Variants in KCNQ5 observed in about 807,000 individuals in gnomAD.
The protein encoded by KCNQ5 is potassium voltage-gated channel subfamily Q member 5.
Under a neutral mutation model 98.2 loss-of-function variants are expected in KCNQ5, and 30 were observed. That is an observed-to-expected ratio of 0.31 (90% CI 0.23 to 0.41). KCNQ5 has a LOEUF of 0.41. KCNQ5 is among the 10% of genes least tolerant of loss of function. The pLI is 1.00. For missense variants in KCNQ5, 835 were observed against 1,182.5 expected (o/e 0.71, Z 4.31); for synonymous variants, 458 against 449.4 (o/e 1.02, Z -0.24).
At chr6:73,178,035 C>T (rs9350490) in intron 11 of KCNQ5, among the ~76,000 whole-genome samples, 21,406 of 151,714 alleles carry the variant, frequency 0.14, 2,036 homozygotes, top group East Asian at 0.35. Flanking sequence ...TCTCCTATTC[C>T]ATGTTAAAAA....
chr6:72,940,619 G>A (rs1045764659), intron 1 of KCNQ5, among the ~76,000 whole-genome samples: 10 of 152,294 alleles, frequency 6.6e-5, no homozygotes, highest in South Asian at 6.2e-4. Flanking sequence ...CTAGTAAACC[G>A]TTTTCGTCAG....
At chr6:72,662,688 T>A (rs546743063) in intron 1 of KCNQ5, among the ~76,000 whole-genome samples, 1 of 152,294 alleles carries the variant, frequency 6.6e-6, no homozygotes, top group East Asian at 1.9e-4. Context: ...TACAATATTG[T>A]GGCCAACTTA....
chr6:72,704,903 C>T (rs1768995163), intron 1 of KCNQ5, among the ~76,000 whole-genome samples: 1 of 151,846 alleles, frequency 6.6e-6, no homozygotes, highest in Non-Finnish European at 1.5e-5. Flanking sequence ...TTTGTTATGC[C>T]CCCCTCAGTT....
chr6:72,789,191 T>C (rs118079676), intron 1 of KCNQ5, among the ~76,000 whole-genome samples: 1,585 of 152,192 alleles, frequency 0.01, 15 homozygotes, highest in Middle Eastern at 0.02. Context: ...ACAGTCTTGC[T>C]CTGTCGCCTA....
intron 1 of KCNQ5, among the ~76,000 whole-genome samples, chr6:72,695,880 G>A (rs1312774028): frequency 1.3e-5 from 2 of 152,138 alleles, no homozygotes; most frequent in Non-Finnish European, 2.9e-5. Flanking sequence ...GGGCAACATA[G>A]CAAGTCTCTG....
At chr6:73,110,418 G>C (rs573619014) in intron 6 of KCNQ5, among the ~76,000 whole-genome samples, 1 of 152,148 alleles carries the variant, frequency 6.6e-6, no homozygotes, top group Non-Finnish European at 1.5e-5. Context: ...ATTGAAAAGA[G>C]TGGGGGACAT....
intron 1 of KCNQ5, among the ~76,000 whole-genome samples, chr6:72,650,671 G>A (rs1177695386): frequency 2.0e-5 from 3 of 152,122 alleles, no homozygotes; most frequent in Admixed American, 6.6e-5. Flanking sequence ...TATGTATATG[G>A]AAGGGCACAG....
intron 1 of KCNQ5, among the ~76,000 whole-genome samples, chr6:72,747,810 A>G (rs760317326): frequency 3.0e-4 from 45 of 152,264 alleles, no homozygotes; most frequent in Non-Finnish European, 5.3e-4. Flanking sequence ...CCTCTGTAAG[A>G]ACTCATTGAA....
chr6:72,900,372 T>G (rs973386600), intron 1 of KCNQ5, among the ~76,000 whole-genome samples: 6 of 148,136 alleles, frequency 4.1e-5, no homozygotes, highest in African/African-American at 1.5e-4. Context: ...AAACTTTATA[T>G]ATATAAAAAG....
chr6:73,091,435 A>T (rs1482703511), intron 5 of KCNQ5, among the ~76,000 whole-genome samples: 1 of 152,168 alleles, frequency 6.6e-6, no homozygotes, highest in African/African-American at 2.4e-5. Context: ...ACAAACCTGC[A>T]CTTTGTGCAC....
chr6:72,640,068 G>A (rs984505526), intron 1 of KCNQ5, among the ~76,000 whole-genome samples: 3 of 152,166 alleles, frequency 2.0e-5, no homozygotes, highest in South Asian at 2.1e-4. Flanking sequence ...GCATGATCAC[G>A]TAGAAGGCTA....
chr6:72,782,896 G>A (rs1401814714), intron 1 of KCNQ5, among the ~76,000 whole-genome samples: 1 of 152,116 alleles, frequency 6.6e-6, no homozygotes, highest in Non-Finnish European at 1.5e-5. Flanking sequence ...TTCAATGAAT[G>A]AATCAATGAC....
At chr6:72,737,758 G>A (rs116718231) in intron 1 of KCNQ5, among the ~76,000 whole-genome samples, 1,777 of 152,150 alleles carry the variant, frequency 0.012, 29 homozygotes, top group African/African-American at 0.04. Context: ...ATACTTATAG[G>A]TAAGTATTGT....
At chr6:72,728,502 T>C (rs1208365558) in intron 1 of KCNQ5, among the ~76,000 whole-genome samples, 1 of 152,164 alleles carries the variant, frequency 6.6e-6, no homozygotes, top group African/African-American at 2.4e-5. Flanking sequence ...AGAATATTCA[T>C]TGTGATTATC....
At chr6:72,696,383 AT>A (rs1275084924) in intron 1 of KCNQ5, among the ~76,000 whole-genome samples, 1 of 152,230 alleles carries the variant, frequency 6.6e-6, no homozygotes, top group Non-Finnish European at 1.5e-5. Context: ...AATTTTTAAT[AT>A]TAGGCACTTT....
At chr6:72,800,866 C>A (rs2150092722) in intron 1 of KCNQ5, among the ~76,000 whole-genome samples, 2 of 152,206 alleles carry the variant, frequency 1.3e-5, no homozygotes, top group East Asian at 3.9e-4. Context: ...TTTATTTCTG[C>A]CTTCATTTCG....
At chr6:73,187,022 A>G (rs1195599750) in intron 11 of KCNQ5, among the ~76,000 whole-genome samples, 1 of 150,700 alleles carries the variant, frequency 6.6e-6, no homozygotes, top group African/African-American at 2.4e-5. Flanking sequence ...ATTCCCACCT[A>G]TGAGTGAGAA....
At chr6:73,129,461 C>T (rs188852407) in intron 9 of KCNQ5, among the ~76,000 whole-genome samples, 171 of 152,240 alleles carry the variant, frequency 1.1e-3, no homozygotes, top group Non-Finnish European at 1.6e-3. Context: ...TTCTAAAGTA[C>T]GTTATTAATC....
chr6:72,686,054 G>A (rs1404833230), intron 1 of KCNQ5, among the ~76,000 whole-genome samples: 1 of 152,120 alleles, frequency 6.6e-6, no homozygotes, highest in Non-Finnish European at 1.5e-5. Flanking sequence ...CAAGGATGTT[G>A]ACCCCCTTAT....
Sources: allele counts gnomAD v4.1 joint callset (sites outside exome capture counted in the v4.1 genomes callset), GRCh38; gene constraint gnomAD v4.1.1; transcripts MANE v1.5; gene names NCBI Gene and HGNC (gene_info 2026-07-23, HGNC 2026-07-21).